The following ITGB6 variants were observed in gnomAD, a reference collection of about 807,000 sequenced individuals.
ITGB6 encodes integrin beta-6.
ITGB6 carries 80 observed loss-of-function variants against 84.5 expected under a neutral mutation model. The ratio of observed to expected loss-of-function variants is 0.95; its 90% CI spans 0.79 to 1.14. ITGB6 has a LOEUF of 1.14. Among genes scored for constraint, ITGB6 ranks in the 50% most tolerant of loss-of-function variants. The pLI, the probability that ITGB6 is intolerant of heterozygous loss-of-function variation, is 0.00. For synonymous variants in ITGB6, 383 were observed against 354.9 expected (o/e 1.08, Z -0.89); for missense variants, 1,006 against 968.0 (o/e 1.04, Z -0.52).
At chr2:160,171,195 C>G (rs1685185029) in intron 6 of ITGB6, among the ~76,000 whole-genome samples, 2 of 152,072 alleles carry the variant, frequency 1.3e-5, no homozygotes, top group Admixed American at 6.6e-5. Context: ...CCCTCTTTCT[C>G]TCCCCCTGCA....
In ITGB6 at chr2:160,115,170, G is replaced by A. The variant is rs376257049; in HGVS notation, c.1982-2971C>T. The stretch of plus-strand genomic sequence containing the variant: ...GTAGTGGTTCTCCCAGCACACAGCT[G>A]GAGATCTGAGAATGGGCAGACTGCC... On this transcript the variant is annotated intron_variant, in intron 12 of 14. Transcript: ENST00000283249. Among the ~76,000 whole-genome samples the A allele has an allele frequency of 6.1e-4, 93 of 152,332 alleles. 2 individuals carry two copies. In the East Asian group the frequency reaches 0.015, roughly 25 times the overall value.
chr2:160,128,521 A>G (rs542835428), intron 10 of ITGB6, among the ~76,000 whole-genome samples: 1 of 152,348 alleles, frequency 6.6e-6, no homozygotes, highest in South Asian at 2.1e-4. Flanking sequence ...GTCAAGCTAC[A>G]GACAGAAAAA....
In ITGB6 at chr2:160,101,661, C is replaced by G; in HGVS notation, c.*75G>C. On this transcript the variant is annotated 3_prime_UTR_variant, in exon 15 of 15. Coordinates refer to ENST00000283249, the MANE Select transcript of ITGB6 (RefSeq NM_000888.5). ...TTAAACCAACCTCATTTTGAAGCAA[C>G]AAAGAGAAAAAAATTAAATAGTGCA... 6 of 858,152 alleles carry G rather than the reference C, an allele frequency of 7.0e-6. No individual in the cohort carries two copies. The highest frequency in any genetic ancestry group is 1.2e-5 in the Non-Finnish European group (6 of 508,762). 53.2% of individuals were successfully genotyped at this position (858,152 alleles called of 1,614,324 possible). A position where few individuals can be genotyped will look rare whatever the true frequency, so the allele number is the denominator to read the frequency against.
At chr2:160,179,943 CAAAAA>C (rs60463723) in intron 4 of ITGB6, among the ~76,000 whole-genome samples, 1 of 103,002 alleles carries the variant, frequency 9.7e-6, no homozygotes, top group Non-Finnish European at 2.0e-5. Context: ...ACTAAAAATA[CAAAAA>C]AAAAAAAAAA....
rs1224791230 is a variant in ITGB6, at chr2:160,100,292, T to G, written c.*1444A>C. ...CCTAGTAAAAGCTTCACATTACAAT[T>G]TAATCAAAGGTAATAAACATTGCAC... On this transcript the variant is annotated 3_prime_UTR_variant, in exon 15 of 15. Transcript: ENST00000283249. 1 of 152,212 alleles carries G rather than the reference T, an allele frequency of 6.6e-6. No individual in the cohort carries two copies. Among genetic ancestry groups the G allele is most frequent in the African/African-American group, 2.4e-5 (1 of 41,462 alleles). The allele number at this position is 152,212 out of a possible 1,614,324, so 9.4% of individuals were successfully genotyped here.
chr2:160,126,605 T>A lies in ITGB6; in HGVS notation c.1661-4A>T. 2 of 1,611,836 alleles carry A rather than the reference T, an allele frequency of 1.2e-6. No homozygotes were observed. Among genetic ancestry groups the A allele is most frequent in the East Asian group, 4.5e-5 (2 of 44,840 alleles). On this transcript the variant is annotated splice_region_variant and splice_polypyrimidine_tract_variant and intron_variant, in intron 10 of 14. Transcript: ENST00000283249. ...CCACAGTCACAGTCGCCGTTACCTG[T>A]AACACAAAATGCTCTATGCTTCTCA...
intron 4 of ITGB6, among the ~76,000 whole-genome samples, chr2:160,183,040 A>G (rs1327929643): frequency 6.6e-6 from 1 of 152,188 alleles, no homozygotes; most frequent in East Asian, 1.9e-4. Context: ...GCAAAAACAT[A>G]CCAAATTGTA....
chr2:160,118,750 GTA>G (rs1682894159), intron 12 of ITGB6, among the ~76,000 whole-genome samples: 1 of 150,896 alleles, frequency 6.6e-6, no homozygotes, highest in Non-Finnish European at 1.5e-5. Context: ...TGATGTGATT[GTA>G]TATCTAGAAA....
rs750518579 is a variant in ITGB6, at chr2:160,141,966, C to T, written c.1107+16G>A. The T allele has an allele frequency of 2.0e-6, 3 of 1,527,538 alleles. No individual in the cohort carries two copies. In the South Asian group the frequency reaches 3.5e-5, roughly 18 times the overall value. 94.6% of individuals were successfully genotyped at this position (1,527,538 alleles called of 1,614,324 possible). On this transcript the variant is annotated intron_variant, in intron 8 of 14. Transcript: ENST00000283249. ...CAAAGAAATGCAAAAAAGAAGCCAG[C>T]TGTAAAATATCCTACTTCATAAGCT...
Position 160,199,994 on chromosome 2 carries a change from AG to A in ITGB6, c.61+8del. The A allele has an allele frequency of 6.2e-7, 1 of 1,607,068 alleles. No individual in the cohort carries two copies. The stretch of plus-strand genomic sequence containing the variant: ...ACGAAAGTAATATATCAGAGAACGC[AG>A]GTCTTACCTTGTACGTGATCATTCC... On this transcript the variant is annotated splice_region_variant and intron_variant, in intron 1 of 14. Coordinates refer to ENST00000283249, the MANE Select transcript of ITGB6 (RefSeq NM_000888.5).
At chr2:160,120,063 T>C (rs549315817) in intron 12 of ITGB6, among the ~76,000 whole-genome samples, 118 of 151,072 alleles carry the variant, frequency 7.8e-4, no homozygotes, top group African/African-American at 2.8e-3. Flanking sequence ...TTTTACACTG[T>C]TGGTGGGACT....
intron 7 of ITGB6, among the ~76,000 whole-genome samples, chr2:160,168,402 A>G (rs1345183363): frequency 6.6e-6 from 1 of 152,198 alleles, no homozygotes; most frequent in African/African-American, 2.4e-5. Flanking sequence ...ATTTAGGAGC[A>G]TTTGACACTT....
chr2:160,159,104 A>C (rs1559171915), intron 7 of ITGB6, among the ~76,000 whole-genome samples: 1 of 152,092 alleles, frequency 6.6e-6, no homozygotes, highest in Non-Finnish European at 1.5e-5. Flanking sequence ...ATCTCAAAAA[A>C]AAAAAAAAAG....
intron 8 of ITGB6, among the ~76,000 whole-genome samples, chr2:160,140,901 T>C (rs532171027): frequency 6.6e-6 from 1 of 152,236 alleles, no homozygotes; most frequent in Admixed American, 6.5e-5. Context: ...ATTGGGGAAT[T>C]TTTTTTCTTT....
intron 14 of ITGB6, among the ~76,000 whole-genome samples, chr2:160,104,208 G>A: frequency 6.6e-6 from 1 of 152,150 alleles, no homozygotes; most frequent in East Asian, 1.9e-4. Flanking sequence ...GTGTAAAAGT[G>A]GACGAAGAGC....
intron 10 of ITGB6, among the ~76,000 whole-genome samples, chr2:160,127,910 A>G (rs919306230): frequency 6.6e-5 from 10 of 152,208 alleles, no homozygotes; most frequent in Admixed American, 5.9e-4. Context: ...AGCCTCATCT[A>G]TAAAACAGAG....
At chr2:160,177,014 T>C (rs1018168600) in intron 4 of ITGB6, among the ~76,000 whole-genome samples, 1 of 152,194 alleles carries the variant, frequency 6.6e-6, no homozygotes, top group Non-Finnish European at 1.5e-5. Context: ...GGTTATCTTT[T>C]GACTCATATT....
At chr2:160,164,192 G>C (rs13001911) in intron 7 of ITGB6, among the ~76,000 whole-genome samples, 53,680 of 152,056 alleles carry the variant, frequency 0.35, 11,214 homozygotes, top group Non-Finnish European at 0.47. Context: ...GATGCTCTCT[G>C]AGACTTCTTA....
chr2:160,162,992 A>G (rs1471338229), intron 7 of ITGB6, among the ~76,000 whole-genome samples: 3 of 152,192 alleles, frequency 2.0e-5, no homozygotes, highest in Non-Finnish European at 2.9e-5. Context: ...AGTCTTGGTC[A>G]GACCACGTGC....
Sources: allele counts gnomAD v4.1 joint callset (sites outside exome capture counted in the v4.1 genomes callset), GRCh38; gene constraint gnomAD v4.1.1; transcripts MANE v1.5; gene names NCBI Gene and HGNC (gene_info 2026-07-23, HGNC 2026-07-21).